Variants in ZC3H12C observed in about 807,000 individuals in gnomAD.
ZC3H12C encodes probable ribonuclease ZC3H12C.
ZC3H12C carries 20 observed loss-of-function variants against 76.3 expected under a neutral mutation model. The ratio of observed to expected loss-of-function variants is 0.26; its 90% CI spans 0.18 to 0.38. The LOEUF (loss-of-function observed/expected upper bound fraction) is 0.38, where lower values mean the gene tolerates loss of function less well. ZC3H12C is among the 10% of genes least tolerant of loss of function. The pLI is 1.00. For synonymous variants in ZC3H12C, 352 were observed against 399.6 expected, an observed-to-expected ratio of 0.88 and a Z score of 1.42; for missense variants, 874 against 1,086.5, an observed-to-expected ratio of 0.80 and a Z score of 2.75.
At chr11:110,130,713 G>A (rs1466981752) in intron 1 of ZC3H12C, among the ~76,000 whole-genome samples, 1 of 152,214 alleles carries the variant, frequency 6.6e-6, no homozygotes, top group East Asian at 1.9e-4. Flanking sequence ...TTTCTTGTTG[G>A]CAGCCTGCTC....
At chr11:110,104,184 G>A (rs1046786163) in intron 1 of ZC3H12C, among the ~76,000 whole-genome samples, 1 of 151,612 alleles carries the variant, frequency 6.6e-6, no homozygotes, top group Non-Finnish European at 1.5e-5. Context: ...GCTGGGTTAT[G>A]GACCAGCTAC....
intron 1 of ZC3H12C, among the ~76,000 whole-genome samples, chr11:110,108,319 A>T (rs931816628): frequency 6.6e-6 from 1 of 152,184 alleles, no homozygotes; most frequent in South Asian, 2.1e-4. Context: ...ATATCTTTGC[A>T]AGAGCACTGT....
chr11:110,137,723 T>A (rs1861996317), intron 2 of ZC3H12C, among the ~76,000 whole-genome samples: 1 of 152,226 alleles, frequency 6.6e-6, no homozygotes, highest in South Asian at 2.1e-4. Flanking sequence ...TAGTTTTAAA[T>A]GAATAATTTG....
chr11:110,094,997 A>G lies in ZC3H12C; in HGVS notation c.21+1565A>G, dbSNP rs772424535. Among the ~76,000 whole-genome samples the G allele has an allele frequency of 6.6e-4, 101 of 152,260 alleles. 2 individuals are homozygous for G. Among genetic ancestry groups the G allele is most frequent in the Non-Finnish European group, 2.8e-4 (19 of 68,048 alleles). ...AGTAAAATGAACTTTTAAATAAACA[A>G]CAACAAAGTGACTGGCATTTTTTAG... On this transcript the variant is annotated intron_variant, in intron 1 of 5. Transcript: ENST00000278590.
chr11:110,107,176 C>T (rs1565248381), intron 1 of ZC3H12C, among the ~76,000 whole-genome samples: 1 of 152,138 alleles, frequency 6.6e-6, no homozygotes, highest in East Asian at 1.9e-4. Context: ...GTATTTAAGA[C>T]GTGGTCTGTT....
intron 1 of ZC3H12C, among the ~76,000 whole-genome samples, chr11:110,112,992 C>G (rs1380408532): frequency 1.3e-5 from 1 of 75,432 alleles, no homozygotes; most frequent in African/African-American, 5.1e-5. Context: ...GTTCTTATCG[C>G]CCCCCCCTAC....
Position 110,165,155 on chromosome 11 carries a change from C to T in ZC3H12C, c.2070C>T (p.Tyr690=). The T allele has an allele frequency of 2.5e-6, 4 of 1,613,844 alleles. No individual in the cohort carries two copies. The South Asian group carries it at 3.3e-5, about 13-fold the overall frequency. The change falls in exon 6 of 6, where the codon TAC becomes TAT. Residue 690 remains tyrosine (Y), a synonymous_variant. Transcript: ENST00000278590. ...FHDPLTRGQS[Y]SHEEPKFHHK... ...ACCCCTTAACCAGAGGGCAAAGTTA[C>T]AGTCACGAAGAACCAAAGTTCCATC... is the stretch of plus-strand genomic sequence containing the variant.
chr11:110,132,595 A>C (rs1861887433), intron 1 of ZC3H12C, among the ~76,000 whole-genome samples: 1 of 152,178 alleles, frequency 6.6e-6, no homozygotes. Flanking sequence ...ATATTTGCCC[A>C]GTTCCTTTTG....
At position 110,136,930 on chromosome 11, in the gene ZC3H12C, G is replaced by C; in HGVS notation, c.289G>C (p.Asp97His). The change falls in exon 2 of 6, where the codon GAT (aspartate) becomes CAT (histidine). Residue 97 changes from aspartate to histidine, a missense_variant. Around this residue, in one of 3 missense-constraint regions of ZC3H12C, gnomAD observed 210 missense variants for 227.1 expected, o/e 0.92. Transcript: ENST00000278590. ...TGACTCTGAAGAAAACACAAATTCT[G>C]ATCATGAGTCAGAACAATTGGGTAG... ...SGDSEENTNS[D>H]HESEQLGSIS... 6.2e-7 allele frequency: 1 copy of C among 1,613,684 alleles called. No individual in the cohort carries two copies. Among genetic ancestry groups the C allele is most frequent in the African/African-American group, 1.3e-5 (1 of 75,034 alleles).
At chr11:110,152,855 C>A in intron 2 of ZC3H12C, 64 bp from the exon 3 acceptor site, 2 of 1,533,972 alleles carry the variant, frequency 1.3e-6, no homozygotes, top group Non-Finnish European at 1.8e-6. Context: ...TGTTTATAAA[C>A]TTGAATTAAT....
chr11:110,093,486 G>C (rs1861047333), intron 1 of ZC3H12C, 54 bp downstream of exon 1: 2 of 1,180,080 alleles, frequency 1.7e-6, no homozygotes, highest in African/African-American at 1.6e-5. Context: ...AGTGGTCCTG[G>C]GGTAGCCGGT....
At chr11:110,125,521 T>G (rs942097410) in intron 1 of ZC3H12C, among the ~76,000 whole-genome samples, 1 of 152,146 alleles carries the variant, frequency 6.6e-6, no homozygotes, top group African/African-American at 2.4e-5. Context: ...TTTCACCATG[T>G]TGGCCAGGCT....
chr11:110,121,732 A>G (rs972924875), intron 1 of ZC3H12C, among the ~76,000 whole-genome samples: 8 of 152,140 alleles, frequency 5.3e-5, no homozygotes, highest in African/African-American at 1.7e-4. Flanking sequence ...TTACAAGAAC[A>G]CTGATGTAGA....
chr11:110,147,980 CAGA>C (rs1178508615), intron 2 of ZC3H12C, among the ~76,000 whole-genome samples: 2 of 152,176 alleles, frequency 1.3e-5, no homozygotes, highest in Admixed American at 1.3e-4. Flanking sequence ...TCCATCCATC[CAGA>C]AGGTCATTGC....
chr11:110,162,349 T>G (rs182304221), intron 4 of ZC3H12C, among the ~76,000 whole-genome samples: 1 of 152,206 alleles, frequency 6.6e-6, no homozygotes, highest in South Asian at 2.1e-4. Flanking sequence ...TTTTGTAACA[T>G]GTAGTGTTAC....
chr11:110,138,817 C>A (rs545858934), intron 2 of ZC3H12C, among the ~76,000 whole-genome samples: 1 of 152,164 alleles, frequency 6.6e-6, no homozygotes, highest in East Asian at 1.9e-4. Context: ...CCTCGGCACC[C>A]CAAAGTGCTG....
At chr11:110,099,319 G>A (rs974424698) in intron 1 of ZC3H12C, among the ~76,000 whole-genome samples, 1 of 152,124 alleles carries the variant, frequency 6.6e-6, no homozygotes, top group African/African-American at 2.4e-5. Flanking sequence ...ATATTGATAT[G>A]TATAACCATT....
At chr11:110,096,574 A>G (rs1361572145) in intron 1 of ZC3H12C, among the ~76,000 whole-genome samples, 2 of 152,208 alleles carry the variant, frequency 1.3e-5, no homozygotes, top group Admixed American at 6.5e-5. Context: ...AGTTGCAGAA[A>G]GGAGTTCAGA....
intron 1 of ZC3H12C, among the ~76,000 whole-genome samples, chr11:110,125,826 C>G (rs1041586997): frequency 1.3e-5 from 2 of 152,198 alleles, no homozygotes; most frequent in African/African-American, 4.8e-5. Context: ...TTCAGCTGTG[C>G]TCATCAGATT....
Sources: allele counts gnomAD v4.1 joint callset (sites outside exome capture counted in the v4.1 genomes callset), GRCh38; gene constraint gnomAD v4.1.1; regional missense constraint gnomAD v4.1.1; transcripts MANE v1.5; gene names NCBI Gene and HGNC (gene_info 2026-07-23, HGNC 2026-07-21).